Variants in CAPZA2 observed in about 807,000 individuals in gnomAD.
CAPZA2 encodes the protein F-actin-capping protein subunit alpha-2.
CAPZA2 carries 13 observed loss-of-function variants against 44.0 expected under a neutral mutation model. The observed-to-expected ratio is 0.30, with a 90% CI of 0.19 to 0.47. The LOEUF is 0.47. CAPZA2 is among the 20% of genes least tolerant of loss of function. The probability of loss-of-function intolerance (pLI) is 1.00; values close to 1 mark genes in which losing one functional copy is unlikely to be tolerated. For synonymous variants in CAPZA2, 94 were observed against 108.2 expected (o/e 0.87, Z 0.81); for missense variants, 244 against 338.6 (o/e 0.72, Z 2.19).
At chr7:116,896,977 A>G (rs1182084298) in intron 3 of CAPZA2, among the ~76,000 whole-genome samples, 1 of 152,150 alleles carries the variant, frequency 6.6e-6, no homozygotes, top group African/African-American at 2.4e-5. Flanking sequence ...TTTCCACTGT[A>G]CTGTGTAATT....
intron 8 of CAPZA2, chr7:116,915,514 T>G (rs1791668643): frequency 6.6e-6 from 1 of 152,392 alleles, no homozygotes; most frequent in Admixed American, 6.5e-5. Flanking sequence ...TAGAGACTTT[T>G]ACATTAACAC....
chr7:116,908,852 A>T (rs575836597), intron 6 of CAPZA2, among the ~76,000 whole-genome samples: 2 of 152,156 alleles, frequency 1.3e-5, no homozygotes, highest in Non-Finnish European at 2.9e-5. Context: ...AAATCAAGAC[A>T]TGTTATAAAA....
At chr7:116,870,996 T>C (rs893681217) in intron 1 of CAPZA2, among the ~76,000 whole-genome samples, 1 of 152,062 alleles carries the variant, frequency 6.6e-6, no homozygotes, top group African/African-American at 2.4e-5. Flanking sequence ...TATGTGAAAA[T>C]GCCTAGCAGA....
At chr7:116,880,068 C>G (rs534414457) in intron 1 of CAPZA2, 3 of 467,094 alleles carry the variant, frequency 6.4e-6, no homozygotes, top group South Asian at 4.7e-5. Flanking sequence ...TCTTCCCAGA[C>G]TAAGTCAGTG....
At chr7:116,871,092 C>A (rs1377320391) in intron 1 of CAPZA2, among the ~76,000 whole-genome samples, 1 of 152,010 alleles carries the variant, frequency 6.6e-6, no homozygotes, top group Non-Finnish European at 1.5e-5. Context: ...TGGGTTAAAG[C>A]GAGATGGGAT....
intron 4 of CAPZA2, among the ~76,000 whole-genome samples, chr7:116,899,863 A>C (rs1206183975): frequency 6.7e-6 from 1 of 150,230 alleles, no homozygotes; most frequent in Admixed American, 6.6e-5. Flanking sequence ...AAGATAAAAC[A>C]AAAAAGGTAA....
chr7:116,910,831 C>T (rs1238392579), intron 7 of CAPZA2, among the ~76,000 whole-genome samples: 1 of 151,682 alleles, frequency 6.6e-6, no homozygotes, highest in African/African-American at 2.4e-5. Context: ...CAGTGAAACC[C>T]CATCTCTACT....
In CAPZA2 at chr7:116,919,172, A is replaced by T. The variant is rs935294095; in HGVS notation, c.*1305A>T. 1 of 152,096 alleles carries T rather than the reference A, an allele frequency of 6.6e-6. No homozygotes were observed. The highest frequency in any genetic ancestry group is 2.4e-5 in the African/African-American group (1 of 41,284). The allele number at this position is 152,096 out of a possible 1,614,324, so 9.4% of individuals were successfully genotyped here. ...ATTAGCTTGAATTGTATAGATTTTT[A>T]AAAATTCAATGAAAGCATGTTGTTT... On this transcript the variant is annotated 3_prime_UTR_variant, in exon 10 of 10. Coordinates refer to ENST00000361183, the MANE Select transcript of CAPZA2 (RefSeq NM_006136.3).
In CAPZA2 at chr7:116,906,254, G is replaced by C. The variant is rs1791507432; in HGVS notation, c.427-9G>C. 6.2e-7 allele frequency: 1 copy of C among 1,606,732 alleles called. No homozygotes were observed. The highest frequency in any genetic ancestry group is 1.7e-5 in the Admixed American group (1 of 57,524). On this transcript the variant is annotated splice_polypyrimidine_tract_variant and intron_variant, in intron 5 of 9. Coordinates refer to ENST00000361183, the MANE Select transcript of CAPZA2 (RefSeq NM_006136.3). ...ATTCATTCTTATGCTTATTTTCTTT[G>C]CCAATAAGGTGTATGGCAAAAAAAT...
chr7:116,863,600 T>C (rs1211091260), intron 1 of CAPZA2, among the ~76,000 whole-genome samples: 1 of 152,178 alleles, frequency 6.6e-6, no homozygotes, highest in Non-Finnish European at 1.5e-5. Flanking sequence ...AACGTCCCAT[T>C]CCCGAGGGTG....
intron 8 of CAPZA2, among the ~76,000 whole-genome samples, chr7:116,912,396 A>G (rs1290196144): frequency 6.6e-6 from 1 of 151,950 alleles, no homozygotes. Context: ...ACAGGGTTGG[A>G]CAGCAGTCAC....
At chr7:116,894,768 T>C (rs1381921791) in intron 3 of CAPZA2, among the ~76,000 whole-genome samples, 1 of 152,212 alleles carries the variant, frequency 6.6e-6, no homozygotes, top group Admixed American at 6.5e-5. Flanking sequence ...CTTTTGTGAC[T>C]GGTCTATTTT....
intron 8 of CAPZA2, among the ~76,000 whole-genome samples, chr7:116,915,036 G>A (rs1161070127): frequency 4.6e-5 from 7 of 152,070 alleles, no homozygotes; most frequent in East Asian, 1.9e-4. Context: ...CTATCATTTC[G>A]GGAAGCTGAG....
chr7:116,876,139 A>T (rs1038471766), intron 1 of CAPZA2: 1 of 151,908 alleles, frequency 6.6e-6, no homozygotes, highest in Admixed American at 6.6e-5. Flanking sequence ...AGTCCCAGCT[A>T]CTCAGGAGGC....
chr7:116,879,124 C>CAAAAAAAAAAAAAAAAAAAAAAAAAAAA (rs71148337), intron 1 of CAPZA2, among the ~76,000 whole-genome samples: 1 of 45,302 alleles, frequency 2.2e-5, no homozygotes. Flanking sequence ...AACTCTGTCT[C>CAAAAAAAAAAAAAAAAAAAAAAAAAAAA]AAAAAAAAAA....
intron 1 of CAPZA2, among the ~76,000 whole-genome samples, chr7:116,870,697 T>C (rs562079016): frequency 1.4e-4 from 21 of 152,264 alleles, no homozygotes; most frequent in African/African-American, 5.1e-4. Flanking sequence ...GTAAGAACAG[T>C]TGAGAACCTG....
chr7:116,880,450 T>G (rs1796677335), intron 1 of CAPZA2, among the ~76,000 whole-genome samples: 1 of 152,116 alleles, frequency 6.6e-6, no homozygotes. Context: ...CAGGCTGGAG[T>G]GCAATAGCGT....
At chr7:116,869,006 G>C (rs1005331274) in intron 1 of CAPZA2, among the ~76,000 whole-genome samples, 1 of 152,158 alleles carries the variant, frequency 6.6e-6, no homozygotes, top group African/African-American at 2.4e-5. Flanking sequence ...TAGAATAATT[G>C]CATGTTAGTG....
At chr7:116,875,545 T>C (rs961835282) in intron 1 of CAPZA2, 3 of 152,006 alleles carry the variant, frequency 2.0e-5, no homozygotes, top group East Asian at 3.9e-4. Context: ...GAGGGTTTTT[T>C]TTTTTTATTT....
Sources: gnomAD v4.1 joint callset for allele counts (sites outside exome capture counted in the v4.1 genomes callset) on GRCh38, gnomAD v4.1.1 for gene constraint, MANE v1.5 for transcripts, NCBI Gene and HGNC (gene_info 2026-07-23, HGNC 2026-07-21) for gene names.